INTS10: variants seen among roughly 807,000 people sequenced by gnomAD.
INTS10 encodes the protein integrator complex subunit 10.
Under a neutral mutation model 94.4 loss-of-function variants are expected in INTS10, and 44 were observed. The ratio of observed to expected loss-of-function variants is 0.47; its 90% CI spans 0.37 to 0.60. The LOEUF (loss-of-function observed/expected upper bound fraction) is 0.60, where lower values mean the gene tolerates loss of function less well. INTS10 is among the 20% of genes least tolerant of loss of function. INTS10 has a pLI of 0.00. For synonymous variants in INTS10, 341 were observed against 320.7 expected (o/e 1.06, Z -0.68); for missense variants, 797 against 868.7 (o/e 0.92, Z 1.04).
chr8:19,823,468 C>T (rs4464983), intron 6 of INTS10, 27 bp downstream of exon 6: 928,412 of 1,484,796 alleles, frequency 0.63, 292,191 homozygotes, highest in African/African-American at 0.71. Context: ...TGTACTTTTA[C>T]TTAAATAGGC....
chr8:19,825,524 CAAA>C (rs56304709), intron 8 of INTS10, among the ~76,000 whole-genome samples: 1 of 140,138 alleles, frequency 7.1e-6, no homozygotes. Flanking sequence ...GACTCCATCT[CAAA>C]AAAAAAAAAG....
chr8:19,824,574 G>C (rs976761095), intron 7 of INTS10: 1 of 455,496 alleles, frequency 2.2e-6, no homozygotes, highest in Admixed American at 4.2e-5. Context: ...ACGTCTCCTA[G>C]ATACTTCAGA....
At chr8:19,822,230 A>G in intron 4 of INTS10, 1 of 401,760 alleles carries the variant, frequency 2.5e-6, no homozygotes. Context: ...ACCAAGACAG[A>G]GTGGTCAGAT....
intron 16 of INTS10, among the ~76,000 whole-genome samples, chr8:19,850,888 CCT>C (rs1167529850): frequency 6.6e-6 from 1 of 151,982 alleles, no homozygotes; most frequent in African/African-American, 2.4e-5. Context: ...GACATTTTTC[CCT>C]GTGTCCCCAC....
chr8:19,819,058 C>T (rs866381236), intron 2 of INTS10, among the ~76,000 whole-genome samples: 2 of 152,138 alleles, frequency 1.3e-5, no homozygotes, highest in Non-Finnish European at 2.9e-5. Context: ...CCAAAATGTG[C>T]GATCCCAGTC....
At chr8:19,848,852 C>T (rs1332385585) in intron 16 of INTS10, 2 of 179,136 alleles carry the variant, frequency 1.1e-5, no homozygotes, top group Non-Finnish European at 1.2e-5. Context: ...CTCCCTATTG[C>T]CATTCAGCTG....
At chr8:19,845,274 A>G (rs1156403083) in intron 15 of INTS10, 1 of 158,198 alleles carries the variant, frequency 6.3e-6, no homozygotes, top group African/African-American at 2.4e-5. Flanking sequence ...TATGAATTTT[A>G]TGTTCTGTAA....
At chr8:19,817,722 C>G in intron 1 of INTS10, 56 bp downstream of exon 1, 1 of 1,554,550 alleles carries the variant, frequency 6.4e-7, no homozygotes, top group Non-Finnish European at 8.7e-7. Flanking sequence ...GCTCCCGTCG[C>G]CCGGGCTGCC....
intron 10 of INTS10, 90 bp downstream of exon 10, chr8:19,830,649 G>A: frequency 8.4e-7 from 1 of 1,185,386 alleles, no homozygotes; most frequent in Admixed American, 2.2e-5. Flanking sequence ...GGCAAATTAA[G>A]TTGATTACAG....
chr8:19,830,219 G>C lies in INTS10; in HGVS notation c.1141-187G>C, dbSNP rs537531072. Among the ~76,000 whole-genome samples, 3 of 143,988 alleles carry C rather than the reference G, an allele frequency of 2.1e-5. No individual in the cohort carries two copies. The South Asian group carries it at 7.0e-4, about 34-fold the overall frequency. 94.5% of individuals were successfully genotyped at this position (143,988 alleles called of 152,430 possible). ...AATTTTAGAAGTAAAAATGGAATGTGTGAGAGTATAAAGACAAAAAAAAAT... is the reference window on the plus strand; with the variant it reads ...AATTTTAGAAGTAAAAATGGAATGTCTGAGAGTATAAAGACAAAAAAAAAT... On this transcript the variant is annotated intron_variant, in intron 9 of 16. Coordinates refer to ENST00000397977, the MANE Select transcript of INTS10 (RefSeq NM_018142.4).
Position 19,824,043 on chromosome 8 carries a change from C to G in INTS10, c.835C>G (p.Arg279Gly), listed in dbSNP as rs966158092. Residue 279 changes from arginine (R) to glycine (G), a missense_variant and splice_region_variant, in exon 7 of 17, where the codon CGA (arginine) becomes GGA (glycine). Arg to Gly is a moderately radical substitution (Grantham distance 125). Transcript: ENST00000397977. ...RCEWQMDKGR[R>G]SYGDILHRMK... ...TGAATGGCAGATGGATAAAGGAAGA[C>G]GGTAATAAATAGCTTATTTCCAGAA... 6.3e-7 allele frequency: 1 copy of G among 1,594,766 alleles called. No homozygotes were observed. The highest frequency in any genetic ancestry group is 8.5e-7 in the Non-Finnish European group (1 of 1,171,588).
In INTS10 at chr8:19,849,121, G is replaced by A. The variant is rs1327171434; in HGVS notation, c.1977-2528G>A. 5.1e-6 allele frequency: 5 copies of A among 989,272 alleles called. No individual in the cohort carries two copies. Among genetic ancestry groups the A allele is most frequent in the African/African-American group, 1.7e-5 (1 of 59,960 alleles). The allele number at this position is 989,272 out of a possible 1,614,324, so 61.3% of individuals were successfully genotyped here. Reference sequence around the variant, plus strand: ...TTGTTTTTGCAGTGCAGGGTGAGTCGGTGTGGGTGTTTGAATGCTGCTGTT... The same window carrying A: ...TTGTTTTTGCAGTGCAGGGTGAGTCAGTGTGGGTGTTTGAATGCTGCTGTT... On this transcript the variant is annotated intron_variant, in intron 16 of 16. Coordinates refer to ENST00000397977, the MANE Select transcript of INTS10 (RefSeq NM_018142.4). This position sits in a 1 kb window ranked among gnomAD's most constrained non-coding sequence, Gnocchi z 4.6.
Position 19,833,293 on chromosome 8 carries a change from C to T in INTS10, c.1502C>T (p.Thr501Met), listed in dbSNP as rs766946946. 4 of 1,612,420 alleles carry T rather than the reference C, an allele frequency of 2.5e-6. No homozygotes were observed. Among genetic ancestry groups the T allele is most frequent in the Admixed American group, 1.7e-5 (1 of 59,764 alleles). Residue 501 changes from threonine (T) to methionine (M), a missense_variant, in exon 12 of 17, where the codon ACG (threonine) becomes ATG (methionine). Around this residue, in one of 3 missense-constraint regions of INTS10, gnomAD observed 734 missense variants for 787.8 expected, o/e 0.93. Transcript: ENST00000397977. ...EHQRALIQLA[T>M]CHFALGEYRM... ...CAGAGGGCGCTCATCCAGCTGGCGA[C>T]GTGCCACTTTGCGCTAGGGGAGTAC...
chr8:19,848,359 T>G (rs2068748869), intron 16 of INTS10, among the ~76,000 whole-genome samples: 1 of 152,182 alleles, frequency 6.6e-6, no homozygotes. Context: ...GGTGCTTCAC[T>G]CAAAGGAGGG....
At chr8:19,831,248 G>T (rs550732843) in intron 10 of INTS10, among the ~76,000 whole-genome samples, 1 of 152,190 alleles carries the variant, frequency 6.6e-6, no homozygotes, top group African/African-American at 2.4e-5. Context: ...ATTCAGCACC[G>T]TTCAGTTTCT....
intron 5 of INTS10, 113 bp from the exon 6 acceptor site, chr8:19,823,188 C>A: frequency 1.3e-6 from 1 of 765,102 alleles, no homozygotes; most frequent in Non-Finnish European, 2.2e-6. Context: ...AGGGATTTTT[C>A]CCCCTATATA....
chr8:19,823,405 G>A lies in INTS10; in HGVS notation c.628G>A (p.Val210Ile), dbSNP rs1589932742. 1.2e-6 allele frequency: 2 copies of A among 1,605,442 alleles called. No individual in the cohort carries two copies. The change falls in exon 6 of 17, where the codon GTC becomes ATC. Residue 210 changes from valine (V) to isoleucine (I), a missense_variant. This residue lies in a region of INTS10 where 734 missense variants were observed against 787.8 expected (regional missense o/e 0.93). Coordinates refer to ENST00000397977, the MANE Select transcript of INTS10 (RefSeq NM_018142.4). ...NKAAEFYINY[V>I]TRSTQIENQH... is the part of the protein sequence containing the mutation. ...AGCAGCTGAATTTTATATCAATTATGTCACTAGGTCTACTCAAATAGAAAA... is the reference window on the plus strand; with the variant it reads ...AGCAGCTGAATTTTATATCAATTATATCACTAGGTCTACTCAAATAGAAAA...
In INTS10 at chr8:19,818,298, G is replaced by T; in HGVS notation, c.153G>T (p.Arg51=). 1 of 1,614,170 alleles carries T rather than the reference G, an allele frequency of 6.2e-7. No individual in the cohort carries two copies. Among genetic ancestry groups the T allele is most frequent in the Non-Finnish European group, 8.5e-7 (1 of 1,180,044 alleles). ...AGTATGAGATGTACACCATCGAGCG[G>T]AATGCAGAGCGGACCGCCACCGCCG... The part of the protein sequence containing the change: ...NIQYEMYTIE[R]NAERTATAGR... Residue 51 remains arginine (R), a synonymous_variant, in exon 2 of 17, where the codon CGG becomes CGT. Coordinates refer to ENST00000397977, the MANE Select transcript of INTS10 (RefSeq NM_018142.4).
chr8:19,841,181 A>G (rs2068094346), intron 13 of INTS10, among the ~76,000 whole-genome samples: 1 of 152,158 alleles, frequency 6.6e-6, no homozygotes, highest in South Asian at 2.1e-4. Flanking sequence ...AAATGTAAAA[A>G]ACGACAATAA....
Sources: gnomAD v4.1 joint callset for allele counts (sites outside exome capture counted in the v4.1 genomes callset) on GRCh38, gnomAD v4.1.1 for gene constraint, gnomAD v4.1.1 regional missense constraint, Gnocchi (gnomAD v3.1) non-coding constraint, MANE v1.5 for transcripts, NCBI Gene and HGNC (gene_info 2026-07-23, HGNC 2026-07-21) for gene names.